Variants in RUNX3 observed in about 807,000 individuals in gnomAD.
RUNX3 encodes the protein runt-related transcription factor 3.
Under a neutral mutation model 27.7 loss-of-function variants are expected in RUNX3, and 10 were observed. The ratio of observed to expected loss-of-function variants is 0.36; its 90% CI spans 0.22 to 0.61. The LOEUF is 0.61. Ranked by LOEUF, RUNX3 falls within the 20% of genes least tolerant of loss-of-function variation. The pLI, the probability that RUNX3 is intolerant of heterozygous loss-of-function variation, is 0.72. For missense variants in RUNX3, 469 were observed against 629.5 expected (o/e 0.75, Z 2.73); for synonymous variants, 270 against 269.2 (o/e 1.00, Z -0.03).
rs1642052999 is a variant in RUNX3, at chr1:24,959,720, C to T, written c.58+4794G>A. ...CCTGTCCGGTGACCTCTGAGTCAGA[C>T]CATCTCGGCCAGACCTGCCCAGGGC... is the stretch of plus-strand genomic sequence containing the variant. On this transcript the variant is annotated intron_variant, in intron 2 of 6. Coordinates refer to the RUNX3 transcript ENST00000338888. Among the ~76,000 whole-genome samples, 5 of 152,268 alleles carry T rather than the reference C, an allele frequency of 3.3e-5. No homozygotes were observed. The South Asian group carries it at 1.0e-3, about 32-fold the overall frequency.
intron 2 of RUNX3, among the ~76,000 whole-genome samples, chr1:24,957,102 T>C (rs1641953683): frequency 6.6e-6 from 1 of 152,228 alleles, no homozygotes; most frequent in South Asian, 2.1e-4. Context: ...GTTATATGCG[T>C]CTGCCCTTTC....
chr1:24,950,678 C>T (rs1641737348), intron 2 of RUNX3, among the ~76,000 whole-genome samples: 1 of 152,086 alleles, frequency 6.6e-6, no homozygotes, highest in Admixed American at 6.5e-5. Context: ...TCTGGGGTAC[C>T]TGGACAAGCA....
At chr1:24,918,301 G>A (rs912407770) in intron 3 of RUNX3, among the ~76,000 whole-genome samples, 1 of 152,134 alleles carries the variant, frequency 6.6e-6, no homozygotes, top group Non-Finnish European at 1.5e-5. Context: ...CTGAAGCCTG[G>A]GGCGCCTTCC....
intron 2 of RUNX3, among the ~76,000 whole-genome samples, chr1:24,921,593 C>A (rs1239507715): frequency 6.6e-6 from 1 of 152,234 alleles, no homozygotes; most frequent in African/African-American, 2.4e-5. Context: ...TAGGGAAGTG[C>A]CAGGCAGATG....
rs913259348 is a variant in RUNX3 at position 24,964,662 on chromosome 1, C to G, written c.-91G>C. 16 of 1,531,782 alleles carry G rather than the reference C, an allele frequency of 1.0e-5. No individual in the cohort carries two copies. In the African/African-American group the frequency reaches 1.9e-4, roughly 19 times the overall value. The allele number at this position is 1,531,782 out of a possible 1,614,324, so 94.9% of individuals were successfully genotyped here. ...GGCTGTTGTTTTATTTTTTTTTCCTCTAGCTACTTTTGAAAATAAAAGGGG... is the reference window on the plus strand; with the variant it reads ...GGCTGTTGTTTTATTTTTTTTTCCTGTAGCTACTTTTGAAAATAAAAGGGG... On this transcript the variant is annotated 5_prime_UTR_variant, in exon 2 of 7. Transcript: ENST00000338888.
At chr1:24,948,646 G>A (rs939066098) in intron 2 of RUNX3, among the ~76,000 whole-genome samples, 1 of 150,542 alleles carries the variant, frequency 6.6e-6, no homozygotes, top group Non-Finnish European at 1.5e-5. Context: ...GGAGGGTCAT[G>A]TGCAGGACGG....
At chr1:24,914,418 G>A (rs1023329468) in intron 3 of RUNX3, among the ~76,000 whole-genome samples, 2 of 152,214 alleles carry the variant, frequency 1.3e-5, no homozygotes, top group African/African-American at 4.8e-5. Context: ...ATTTACACCC[G>A]ACTCTTAACA....
intron 2 of RUNX3, among the ~76,000 whole-genome samples, chr1:24,950,984 G>A (rs1405753976): frequency 6.6e-6 from 1 of 152,086 alleles, no homozygotes; most frequent in Non-Finnish European, 1.5e-5. Flanking sequence ...GAGGTGGGTG[G>A]ATCACGAGGT....
Position 24,919,258 on chromosome 1 carries a change from C to T in RUNX3, c.526G>A (p.Gly176Arg). The T allele has an allele frequency of 6.3e-7, 1 of 1,597,050 alleles. No individual in the cohort carries two copies. Residue 176 changes from glycine to arginine, a missense_variant, in exon 3 of 5, where the codon GGA becomes AGA. Coordinates refer to ENST00000308873, the MANE Select transcript of RUNX3 (RefSeq NM_004350.3). ...CACTTACGTCTGGGCTCCCGGGGTCCGTCCACGGTCACCTTGATGGCTCGG... is the reference window on the plus strand; with the variant it reads ...CACTTACGTCTGGGCTCCCGGGGTCTGTCCACGGTCACCTTGATGGCTCGG... The part of the protein sequence containing the change: ...YHRAIKVTVD[G>R]PREPRRHRQK...
At position 24,916,660 on chromosome 1, in the gene RUNX3, G is replaced by C. The variant is rs374713879; in HGVS notation, c.544+2580C>G. ...GAGTGGGGCTGCAACCCAGGGTATG[G>C]GGGGGGACCTGATCTCAGGGCCAGG... On this transcript the variant is annotated intron_variant, in intron 3 of 4. Coordinates refer to ENST00000308873, the MANE Select transcript of RUNX3 (RefSeq NM_004350.3). This position sits in a 1 kb window ranked among gnomAD's most constrained non-coding sequence, Gnocchi z 4.8. 2.6e-5 allele frequency among the ~76,000 whole-genome samples: 4 copies of C among 152,058 alleles called. No individual in the cohort carries two copies. Among genetic ancestry groups the C allele is most frequent in the East Asian group, 3.9e-4 (2 of 5,192 alleles).
intron 3 of RUNX3, among the ~76,000 whole-genome samples, chr1:24,917,978 A>G (rs1235115932): frequency 6.6e-6 from 1 of 152,200 alleles, no homozygotes; most frequent in Non-Finnish European, 1.5e-5. Flanking sequence ...TCTCAGCAGG[A>G]GGGAACCAGC....
At chr1:24,935,980 C>T (rs1641341494) in intron 2 of RUNX3, among the ~76,000 whole-genome samples, 1 of 152,246 alleles carries the variant, frequency 6.6e-6, no homozygotes, top group Non-Finnish European at 1.5e-5. Flanking sequence ...GCTGTCTGCA[C>T]TCTGACCGCT....
rs769888016 is a variant in RUNX3 at position 24,902,828 on chromosome 1, G to A, written c.704-162C>T. On this transcript the variant is annotated intron_variant, in intron 4 of 4. Coordinates refer to ENST00000308873, the MANE Select transcript of RUNX3 (RefSeq NM_004350.3). The surrounding 1 kb of genome is among the most constrained non-coding windows in gnomAD (Gnocchi z 9.2). ...CCCTAGGCTGCCCGGGGCCTCCCCC[G>A]CCAGGACTCCGAACACAGACCTGCC... is the stretch of plus-strand genomic sequence containing the variant. Among the ~76,000 whole-genome samples the A allele has an allele frequency of 2.4e-4, 37 of 152,272 alleles. No homozygotes were observed. The highest frequency in any genetic ancestry group is 6.2e-4 in the South Asian group (3 of 4,826).
upstream of RUNX3, among the ~76,000 whole-genome samples, chr1:24,933,730 C>T (rs1025504492): frequency 3.3e-5 from 5 of 152,226 alleles, no homozygotes; most frequent in Admixed American, 6.5e-5. Context: ...CCCAGCCGGC[C>T]GCCCTCCTGT....
chr1:24,953,320 C>T (rs531518261), intron 2 of RUNX3, among the ~76,000 whole-genome samples: 1 of 135,420 alleles, frequency 7.4e-6, no homozygotes, highest in East Asian at 2.3e-4. Flanking sequence ...AGTGCGATTG[C>T]GCCACTGCAC....
chr1:24,942,833 G>A (rs753135413), intron 2 of RUNX3, among the ~76,000 whole-genome samples: 4 of 152,196 alleles, frequency 2.6e-5, no homozygotes, highest in Admixed American at 2.0e-4. Context: ...GACCTGACCC[G>A]GGCTCCCGCC....
At chr1:24,932,998 C>G (rs1641266423), upstream of RUNX3, among the ~76,000 whole-genome samples, 1 of 152,246 alleles carries the variant, frequency 6.6e-6, no homozygotes, top group South Asian at 2.1e-4. Context: ...GAGCCAGCTC[C>G]TTTGCCCCAG....
rs1640884143 is a variant in RUNX3, at chr1:24,916,113, CT to C, written c.544+3126del. ...GGATCTACAGATTCCCAGTCCTTGG[CT>C]CCCAGGACCAGCCCCTACTCCCACT... On this transcript the variant is annotated intron_variant, in intron 3 of 4. Transcript: ENST00000308873. The surrounding 1 kb of genome is among the most constrained non-coding windows in gnomAD (Gnocchi z 4.8). Among the ~76,000 whole-genome samples the C allele has an allele frequency of 6.6e-6, 1 of 152,216 alleles. No individual in the cohort carries two copies. Among genetic ancestry groups the C allele is most frequent in the Admixed American group, 6.5e-5 (1 of 15,284 alleles).
chr1:24,901,946 C>T lies in RUNX3; in HGVS notation c.*176G>A. On this transcript the variant is annotated 3_prime_UTR_variant, in exon 5 of 5. Transcript: ENST00000308873. ...GGGGGTGGTAACCTATGCCTCTGTA[C>T]AAGGATGTGGCTGCACAGATGCAGC... is the stretch of plus-strand genomic sequence containing the variant. 2 of 631,038 alleles carry T rather than the reference C, an allele frequency of 3.2e-6. No individual in the cohort carries two copies. Among genetic ancestry groups the T allele is most frequent in the South Asian group, 4.0e-5 (2 of 49,524 alleles). The allele number at this position is 631,038 out of a possible 1,614,324, so 39.1% of individuals were successfully genotyped here.
Sources: allele counts gnomAD v4.1 joint callset (sites outside exome capture counted in the v4.1 genomes callset), GRCh38; gene constraint gnomAD v4.1.1; non-coding constraint Gnocchi (gnomAD v3.1); transcripts MANE v1.5; gene names NCBI Gene and HGNC (gene_info 2026-07-23, HGNC 2026-07-21).